The following RPL5 variants were observed in gnomAD, a reference collection of about 807,000 sequenced individuals.
The protein encoded by RPL5 is large ribosomal subunit protein uL18.
Under a neutral mutation model 38.4 loss-of-function variants are expected in RPL5, and 1 was observed. The ratio of observed to expected loss-of-function variants is 0.03; its 90% CI spans 0.01 to 0.12. RPL5 has a LOEUF of 0.12. Among genes scored for constraint, RPL5 ranks in the 10% least tolerant of loss-of-function variants. The pLI is 1.00. For missense variants in RPL5, 243 were observed against 374.1 expected, an observed-to-expected ratio of 0.65 and a Z score of 2.89; for synonymous variants, 109 against 121.2, an observed-to-expected ratio of 0.90 and a Z score of 0.66.
At chr1:92,841,701 T>TTAA in intron 7 of RPL5, 65 bp from the exon 8 acceptor site, 1 of 1,021,656 alleles carries the variant, frequency 9.8e-7, no homozygotes, top group Middle Eastern at 3.3e-4. Context: ...TTATTAAAAT[T>TTAA]TTAAATTAAA....
intron 3 of RPL5, 124 bp from the exon 4 acceptor site, chr1:92,834,655 T>C: frequency 7.6e-7 from 1 of 1,318,682 alleles, no homozygotes. Context: ...GCTAAGAGTC[T>C]TAAGCATTTT....
intron 3 of RPL5, among the ~76,000 whole-genome samples, chr1:92,834,374 C>T (rs1272428458): frequency 1.3e-5 from 2 of 152,192 alleles, no homozygotes; most frequent in Admixed American, 1.3e-4. Context: ...TCACTGGACT[C>T]TGAAAGCTAG....
In RPL5 at chr1:92,833,391, G is replaced by T. The variant is rs769877057; in HGVS notation, c.6G>T (p.Gly2=). ...AATAACATTCTTTTTTCTTTAAGGG[G>T]TTTGTTAAAGTTGTTAAGAATAAGG... M[G]FVKVVKNKAY... Residue 2 remains glycine, a splice_region_variant and synonymous_variant, in exon 2 of 8, where the codon GGG becomes GGT. Coordinates refer to ENST00000370321, the MANE Select transcript of RPL5 (RefSeq NM_000969.5). The T allele has an allele frequency of 6.2e-7, 1 of 1,610,412 alleles. No individual in the cohort carries two copies. Among genetic ancestry groups the T allele is most frequent in the Non-Finnish European group, 8.5e-7 (1 of 1,176,778 alleles).
In RPL5 at chr1:92,832,097, C is replaced by T. The variant is rs201295012; in HGVS notation, c.-18C>T. On this transcript the variant is annotated 5_prime_UTR_variant, in exon 1 of 8. Coordinates refer to ENST00000370321, the MANE Select transcript of RPL5 (RefSeq NM_000969.5). ...CAGGTCTCTGTCGAGCAGCGGACGC[C>T]GGTCTCTGTTCCGCAGGATGGTGAG... The T allele has an allele frequency of 1.5e-5, 24 of 1,614,076 alleles. No individual in the cohort carries two copies. Among genetic ancestry groups the T allele is most frequent in the South Asian group, 1.3e-4 (12 of 91,058 alleles).
intron 4 of RPL5, chr1:92,835,201 G>T (rs1687070258): frequency 4.1e-6 from 2 of 483,752 alleles, no homozygotes; most frequent in Non-Finnish European, 7.6e-6. Flanking sequence ...CTTGTAGCTA[G>T]TGTCTACTTA....
intron 6 of RPL5, among the ~76,000 whole-genome samples, chr1:92,839,037 T>C (rs2100692342): frequency 6.6e-6 from 1 of 151,784 alleles, no homozygotes; most frequent in African/African-American, 2.4e-5. Flanking sequence ...GCAGCTTTTT[T>C]TTTTTTTTTT....
rs1398420072 is a variant in RPL5, at chr1:92,841,916, C to A, written c.*51C>A. The A allele has an allele frequency of 1.5e-6, 2 of 1,352,502 alleles. No individual in the cohort carries two copies. Among genetic ancestry groups the A allele is most frequent in the East Asian group, 4.7e-5 (2 of 42,746 alleles). The allele number at this position is 1,352,502 out of a possible 1,614,324, so 83.8% of individuals were successfully genotyped here. On this transcript the variant is annotated 3_prime_UTR_variant, in exon 8 of 8. Transcript: ENST00000370321. ...CAGATATAGATAATAAACTTATGAA[C>A]AGCAACTATTTCTGTGTTAAGCTCT...
chr1:92,838,050 G>A (rs902688887), intron 6 of RPL5, among the ~76,000 whole-genome samples: 2 of 152,206 alleles, frequency 1.3e-5, no homozygotes, highest in Non-Finnish European at 2.9e-5. Flanking sequence ...TGATGTTGTA[G>A]AAATGAGGGG....
chr1:92,832,934 A>AGTGG (rs1374279575), intron 1 of RPL5: 5 of 689,694 alleles, frequency 7.2e-6, no homozygotes, highest in Non-Finnish European at 1.3e-5. Context: ...AGGTTTTCGA[A>AGTGG]GTGGGACATA....
In RPL5 at chr1:92,837,669, AT is replaced by A. The variant is rs3831193; in HGVS notation, c.705+39del. 6.7e-3 allele frequency: 10,415 copies of A among 1,561,384 alleles called. 650 individuals are homozygous for A. The East Asian group carries it at 0.16, about 24-fold the overall frequency. ...TACCTAAAAATGCCTATATTGGTTA[AT>A]TTATGGAAATAGGTTTATTACTTGT... is the stretch of plus-strand genomic sequence containing the variant. On this transcript the variant is annotated intron_variant, in intron 6 of 7. Transcript: ENST00000370321.
At chr1:92,835,120 C>G (rs1687066785) in intron 4 of RPL5, 3 of 683,826 alleles carry the variant, frequency 4.4e-6, no homozygotes. Context: ...ATTTGCTGTC[C>G]AGTGGTTTTG....
Position 92,836,303 on chromosome 1 carries a change from G to A in RPL5, c.438G>A (p.Leu146=), listed in dbSNP as rs1352137624. The change falls in exon 5 of 8, where the codon TTG becomes TTA. Residue 146 remains leucine, a synonymous_variant. Coordinates refer to ENST00000370321, the MANE Select transcript of RPL5 (RefSeq NM_000969.5). ...DGQPGAFTCY[L]DAGLARTTTG... ...AGCCAGGTGCCTTCACCTGCTATTT[G>A]GATGCAGGCCTTGCCAGAACTACCA... is the stretch of plus-strand genomic sequence containing the variant. 1.2e-6 allele frequency: 2 copies of A among 1,614,012 alleles called. No homozygotes were observed. The highest frequency in any genetic ancestry group is 2.2e-5 in the East Asian group (1 of 44,896).
chr1:92,835,277 A>G, intron 4 of RPL5: 1 of 354,252 alleles, frequency 2.8e-6, no homozygotes, highest in Non-Finnish European at 5.5e-6. Context: ...TTAAAAATGC[A>G]GACTCGTGGG....
At chr1:92,834,734 C>G (rs747429475) in intron 3 of RPL5, 45 bp from the exon 4 acceptor site, 1 of 1,609,120 alleles carries the variant, frequency 6.2e-7, no homozygotes, top group East Asian at 2.2e-5. Flanking sequence ...TGTAGTAAGA[C>G]AGTGAAAGCA....
rs779348774 is a variant in RPL5 at position 92,836,402 on chromosome 1, C to T, written c.527+10C>T. ...TGTCTATCCCTCACAGGTAAGAATACTATTTAAGACCTTGGTGCCTGGACC... is the reference window on the plus strand; with the variant it reads ...TGTCTATCCCTCACAGGTAAGAATATTATTTAAGACCTTGGTGCCTGGACC... On this transcript the variant is annotated intron_variant, in intron 5 of 7. Transcript: ENST00000370321. The T allele has an allele frequency of 1.2e-5, 20 of 1,612,268 alleles. No homozygotes were observed. The highest frequency in any genetic ancestry group is 8.8e-5 in the South Asian group (8 of 91,052).
At chr1:92,837,213 G>A (rs1482804765) in intron 5 of RPL5, 1 of 670,518 alleles carries the variant, frequency 1.5e-6, no homozygotes, top group Non-Finnish European at 2.8e-6. Context: ...TTGTAGTGGT[G>A]GAAAGCCTTG....
intron 7 of RPL5, 87 bp from the exon 8 acceptor site, chr1:92,841,679 C>A: frequency 1.2e-6 from 1 of 826,176 alleles, no homozygotes; most frequent in South Asian, 2.3e-5. Flanking sequence ...TATTCTCTAT[C>A]AAAATTAAAT....
chr1:92,839,031 CTTTTTT>C (rs35078348), intron 6 of RPL5, among the ~76,000 whole-genome samples: 6 of 118,308 alleles, frequency 5.1e-5, no homozygotes, highest in African/African-American at 1.9e-4. Flanking sequence ...AGAGTTGCAG[CTTTTTT>C]TTTTTTTTTT....
intron 3 of RPL5, among the ~76,000 whole-genome samples, chr1:92,834,236 G>C (rs1687030120): frequency 1.3e-5 from 2 of 152,314 alleles, no homozygotes; most frequent in Admixed American, 1.3e-4. Flanking sequence ...AGGTAGTTGT[G>C]AATTAAACAG....
Sources: allele counts gnomAD v4.1 joint callset (sites outside exome capture counted in the v4.1 genomes callset), GRCh38; gene constraint gnomAD v4.1.1; transcripts MANE v1.5; gene names NCBI Gene and HGNC (gene_info 2026-07-23, HGNC 2026-07-21).